BBS9: variants seen among roughly 807,000 people sequenced by gnomAD.
BBS9 encodes protein PTHB1.
A neutral mutation model predicts 117.7 loss-of-function variants in BBS9; 89 were observed. The ratio of observed to expected loss-of-function variants is 0.76; its 90% CI spans 0.64 to 0.90. BBS9 has a LOEUF of 0.90. Ranked by LOEUF, BBS9 falls within the 40% of genes least tolerant of loss-of-function variation. The probability of loss-of-function intolerance (pLI) is 0.00; values close to 1 mark genes in which losing one functional copy is unlikely to be tolerated. For missense variants in BBS9, 982 were observed against 1,042.2 expected (o/e 0.94, Z 0.80); for synonymous variants, 379 against 370.9 (o/e 1.02, Z -0.25).
chr7:33,304,760 C>G (rs1414323353), intron 9 of BBS9, among the ~76,000 whole-genome samples: 1 of 152,094 alleles, frequency 6.6e-6, no homozygotes, highest in East Asian at 1.9e-4. Flanking sequence ...AAGAAGTAGA[C>G]ATAGGAGACT....
chr7:33,508,033 T>C (rs1422371810), intron 20 of BBS9, among the ~76,000 whole-genome samples: 2 of 152,342 alleles, frequency 1.3e-5, no homozygotes, highest in South Asian at 4.2e-4. Context: ...GAAATACAAA[T>C]ATGACTGCAT....
intron 20 of BBS9, among the ~76,000 whole-genome samples, chr7:33,524,618 C>A (rs1292222423): frequency 6.6e-6 from 1 of 151,942 alleles, no homozygotes; most frequent in Non-Finnish European, 1.5e-5. Context: ...TTTTTTATTG[C>A]GTCTATTTGA....
At chr7:33,562,072 C>T (rs1856169393) in intron 21 of BBS9, among the ~76,000 whole-genome samples, 1 of 152,156 alleles carries the variant, frequency 6.6e-6, no homozygotes, top group Admixed American at 6.5e-5. Context: ...ACTTCAATTT[C>T]AAAGTAGGAA....
chr7:33,373,404 A>G (rs774556295), intron 17 of BBS9, among the ~76,000 whole-genome samples: 3 of 152,092 alleles, frequency 2.0e-5, no homozygotes, highest in Non-Finnish European at 4.4e-5. Context: ...ATAGACACAT[A>G]CTCTCAGTGT....
chr7:33,528,208 G>A (rs1228370414), intron 20 of BBS9, among the ~76,000 whole-genome samples: 1 of 152,040 alleles, frequency 6.6e-6, no homozygotes, highest in Non-Finnish European at 1.5e-5. Flanking sequence ...ATGATATGAA[G>A]GTTGTTTCGC....
chr7:33,550,355 CAATT>C (rs1366980826), intron 21 of BBS9, among the ~76,000 whole-genome samples: 2 of 152,158 alleles, frequency 1.3e-5, no homozygotes, highest in African/African-American at 2.4e-5. Context: ...CTCATCCAAT[CAATT>C]ACTCATGTGA....
chr7:33,527,419 C>T (rs1363821754), intron 20 of BBS9, among the ~76,000 whole-genome samples: 1 of 152,190 alleles, frequency 6.6e-6, no homozygotes, highest in Non-Finnish European at 1.5e-5. Flanking sequence ...GCGTAGGACC[C>T]TCCGAGCCAG....
At chr7:33,231,234 G>A (rs2128257075) in intron 5 of BBS9, among the ~76,000 whole-genome samples, 1 of 152,040 alleles carries the variant, frequency 6.6e-6, no homozygotes, top group African/African-American at 2.4e-5. Context: ...GAACTCCTGA[G>A]GTCATGTGAT....
rs1224534362 is a variant in BBS9 at position 33,542,799 on chromosome 7, A to ATT, written c.2521+8623_2521+8624insTT. ...TATATATATATATATGTACACACAC[A>ATT]CACACACACACACACACACACACAC... On this transcript the variant is annotated intron_variant, in intron 21 of 22. Coordinates refer to ENST00000242067, the MANE Select transcript of BBS9 (RefSeq NM_198428.3). 1.3e-4 allele frequency among the ~76,000 whole-genome samples: 3 copies of ATT among 23,838 alleles called. 1 individual carries two copies. Among genetic ancestry groups the ATT allele is most frequent in the African/African-American group, 3.3e-4 (1 of 2,998 alleles). 15.6% of individuals were successfully genotyped at this position (23,838 alleles called of 152,430 possible).
chr7:33,152,714 G>A lies in BBS9; in HGVS notation c.126G>A (p.Val42=). Residue 42 remains valine, a synonymous_variant, in exon 3 of 23, where the codon GTG becomes GTA. Coordinates refer to ENST00000242067, the MANE Select transcript of BBS9 (RefSeq NM_198428.3). The part of the protein sequence containing the change: ...NSGNGQDKII[V]GSFMGYLRIF... ...AATTCTCTACAGATAAAATAATTGT[G>A]GGTAGCTTTATGGGATACCTAAGGA... 1 of 1,611,802 alleles carries A rather than the reference G, an allele frequency of 6.2e-7. No homozygotes were observed. The highest frequency in any genetic ancestry group is 8.5e-7 in the Non-Finnish European group (1 of 1,178,950).
chr7:33,322,371 T>G (rs1252011780), intron 9 of BBS9, among the ~76,000 whole-genome samples: 1 of 148,606 alleles, frequency 6.7e-6, no homozygotes, highest in Non-Finnish European at 1.5e-5. Context: ...TTTTTTTTTT[T>G]TTTTTTTTGA....
intron 17 of BBS9, among the ~76,000 whole-genome samples, chr7:33,370,115 G>C (rs1822571072): frequency 6.6e-6 from 1 of 152,102 alleles, no homozygotes; most frequent in Non-Finnish European, 1.5e-5. Flanking sequence ...CATTGTCTCA[G>C]ACACCAAACC....
intron 19 of BBS9, among the ~76,000 whole-genome samples, chr7:33,416,089 C>T (rs1316079111): frequency 6.6e-6 from 1 of 152,152 alleles, no homozygotes; most frequent in Non-Finnish European, 1.5e-5. Context: ...CTACCTCAGC[C>T]TATCAAAGTT....
intron 19 of BBS9, among the ~76,000 whole-genome samples, chr7:33,409,545 T>C (rs568776236): frequency 6.6e-6 from 1 of 152,344 alleles, no homozygotes; most frequent in African/African-American, 2.4e-5. Context: ...CCTGCTGTTT[T>C]GGTTACTGTA....
At chr7:33,220,440 C>T (rs976847098) in intron 5 of BBS9, among the ~76,000 whole-genome samples, 2 of 152,214 alleles carry the variant, frequency 1.3e-5, no homozygotes, top group Admixed American at 6.5e-5. Flanking sequence ...CGACCCGCAC[C>T]TGAGATTTGC....
chr7:33,190,041 T>G (rs560685514), intron 5 of BBS9, among the ~76,000 whole-genome samples: 1 of 151,998 alleles, frequency 6.6e-6, no homozygotes, highest in Non-Finnish European at 1.5e-5. Context: ...ATTTTTATCT[T>G]TATCAACATC....
intron 9 of BBS9, among the ~76,000 whole-genome samples, chr7:33,320,734 A>G (rs987165661): frequency 1.3e-5 from 2 of 152,164 alleles, no homozygotes; most frequent in African/African-American, 2.4e-5. Context: ...CCTTTTCTCC[A>G]TATTTTCCTC....
intron 21 of BBS9, among the ~76,000 whole-genome samples, chr7:33,593,818 A>G (rs1862304396): frequency 6.6e-6 from 1 of 152,146 alleles, no homozygotes; most frequent in African/African-American, 2.4e-5. Flanking sequence ...GAAATTCTTA[A>G]CCTGGATCCA....
chr7:33,531,883 A>T (rs1585151499), intron 20 of BBS9, among the ~76,000 whole-genome samples: 2 of 151,870 alleles, frequency 1.3e-5, no homozygotes, highest in Admixed American at 6.6e-5. Flanking sequence ...TCCTGGGAAA[A>T]CCCCCACGAG....
Sources: allele counts gnomAD v4.1 joint callset (sites outside exome capture counted in the v4.1 genomes callset), GRCh38; gene constraint gnomAD v4.1.1; transcripts MANE v1.5; gene names NCBI Gene and HGNC (gene_info 2026-07-23, HGNC 2026-07-21).